The following ATXN1 variants were observed in gnomAD, a reference collection of about 807,000 sequenced individuals.
ATXN1 encodes the protein ataxin-1.
Under a neutral mutation model 56.4 loss-of-function variants are expected in ATXN1, and 8 were observed. That is an observed-to-expected ratio of 0.14 (90% confidence interval 0.08 to 0.26). The LOEUF (loss-of-function observed/expected upper bound fraction) is 0.26, where lower values mean the gene tolerates loss of function less well. Ranked by LOEUF, ATXN1 falls within the 10% of genes least tolerant of loss-of-function variation. ATXN1 has a pLI of 1.00. For synonymous variants in ATXN1, 514 were observed against 494.6 expected (o/e 1.04, Z -0.52); for missense variants, 987 against 1,106.5 (o/e 0.89, Z 1.53).
intron 7 of ATXN1, among the ~76,000 whole-genome samples, chr6:16,323,054 C>T (rs542699725): frequency 1.3e-5 from 2 of 152,314 alleles, no homozygotes. Context: ...TCTACCTGCT[C>T]GTCTGCACCC....
At chr6:16,623,415 T>C (rs561631652) in intron 3 of ATXN1, among the ~76,000 whole-genome samples, 1 of 152,356 alleles carries the variant, frequency 6.6e-6, no homozygotes, top group Admixed American at 6.5e-5. Context: ...CAAGTGTCAG[T>C]TCCATCTATC....
chr6:16,432,226 CAAT>C (rs1326637906), intron 6 of ATXN1, among the ~76,000 whole-genome samples: 1 of 152,156 alleles, frequency 6.6e-6, no homozygotes, highest in African/African-American at 2.4e-5. Flanking sequence ...TGGAAAATCA[CAAT>C]GTTACACTCG....
intron 4 of ATXN1, among the ~76,000 whole-genome samples, chr6:16,574,996 AT>A (rs60930957): frequency 0.14 from 21,867 of 151,344 alleles, 3,809 homozygotes; most frequent in African/African-American, 0.42. Flanking sequence ...TGAGTTTGCT[AT>A]TTTTTTCTTG....
Position 16,327,286 on chromosome 6 carries a change from A to G in ATXN1, c.1025T>C (p.Leu342Pro), listed in dbSNP as rs1760835526. 4 of 1,613,318 alleles carry G rather than the reference A, an allele frequency of 2.5e-6. No individual in the cohort carries two copies. Among genetic ancestry groups the G allele is most frequent in the South Asian group, 1.1e-5 (1 of 91,060 alleles). Residue 342 changes from leucine (L) to proline (P), a missense_variant, in exon 7 of 8, where the codon CTG becomes CCG. This residue lies in a region of ATXN1 where 723 missense variants were observed against 791.7 expected (regional missense o/e 0.91). Coordinates refer to ENST00000436367, the MANE Select transcript of ATXN1 (RefSeq NM_001128164.2). ...CTTGCCGCCTGCCTTGCCCAGGCCC[A>G]GGTCGGCTGAGGACGGGGCCCCGTA... is the stretch of plus-strand genomic sequence containing the variant. ...RRYGAPSSAD[L>P]GLGKAGGKSV... is the part of the protein sequence containing the mutation.
intron 6 of ATXN1, among the ~76,000 whole-genome samples, chr6:16,395,356 A>G (rs1363171830): frequency 6.6e-6 from 1 of 151,812 alleles, no homozygotes; most frequent in Non-Finnish European, 1.5e-5. Flanking sequence ...TATCTGTATG[A>G]CTGAGGTTAA....
At chr6:16,354,975 A>G (rs1278957146) in intron 6 of ATXN1, among the ~76,000 whole-genome samples, 1 of 152,234 alleles carries the variant, frequency 6.6e-6, no homozygotes, top group Admixed American at 6.5e-5. Flanking sequence ...GTCCTGTAAC[A>G]TATTTGACTT....
At chr6:16,655,639 G>A (rs1011965467) in intron 3 of ATXN1, among the ~76,000 whole-genome samples, 9 of 152,012 alleles carry the variant, frequency 5.9e-5, no homozygotes, top group African/African-American at 1.2e-4. Flanking sequence ...CACAAGCTAC[G>A]ATTGCACCAC....
intron 6 of ATXN1, among the ~76,000 whole-genome samples, chr6:16,462,904 G>A (rs947771943): frequency 6.6e-6 from 1 of 151,954 alleles, no homozygotes; most frequent in Non-Finnish European, 1.5e-5. Flanking sequence ...CCTCCTCCCT[G>A]CTTAACAAAC....
chr6:16,681,192 T>C (rs566919250), intron 2 of ATXN1, among the ~76,000 whole-genome samples: 5 of 152,340 alleles, frequency 3.3e-5, no homozygotes, highest in African/African-American at 1.2e-4. Flanking sequence ...TCTGTTCCTC[T>C]TGGAAGAAAA....
intron 4 of ATXN1, among the ~76,000 whole-genome samples, chr6:16,561,133 C>T (rs564573853): frequency 1.3e-5 from 2 of 152,012 alleles, no homozygotes; most frequent in South Asian, 4.1e-4. Context: ...GGAAAAATTT[C>T]TCTGAATCCC....
At chr6:16,718,720 G>C (rs1011483201) in intron 2 of ATXN1, among the ~76,000 whole-genome samples, 1 of 152,220 alleles carries the variant, frequency 6.6e-6, no homozygotes, top group Non-Finnish European at 1.5e-5. Flanking sequence ...TAGTGAGAAA[G>C]AACATTTCCC....
At position 16,553,447 on chromosome 6, in the gene ATXN1, G is replaced by A. The variant is rs887117255; in HGVS notation, c.-360-30759C>T. 1.6e-4 allele frequency among the ~76,000 whole-genome samples: 25 copies of A among 152,032 alleles called. 1 individual carries two copies. The highest frequency in any genetic ancestry group is 1.9e-4 in the East Asian group (1 of 5,186). The stretch of plus-strand genomic sequence containing the variant: ...TGCTTCCACCATACTTTGTATTTCC[G>A]TCTCACAGTACCTTTCTCAGTGCAC... On this transcript the variant is annotated intron_variant, in intron 4 of 7. Transcript: ENST00000436367.
chr6:16,542,923 A>G (rs1761743174), intron 4 of ATXN1, among the ~76,000 whole-genome samples: 1 of 151,796 alleles, frequency 6.6e-6, no homozygotes, highest in Non-Finnish European at 1.5e-5. Flanking sequence ...TCTCTCTCAA[A>G]ATATCTTATT....
At chr6:16,591,105 G>A (rs894743852) in intron 3 of ATXN1, among the ~76,000 whole-genome samples, 3 of 151,432 alleles carry the variant, frequency 2.0e-5, no homozygotes, top group African/African-American at 7.3e-5. Context: ...ACAGGCGTGA[G>A]CCACTGCGCC....
chr6:16,388,603 TG>T (rs1758287495), intron 6 of ATXN1, among the ~76,000 whole-genome samples: 1 of 152,270 alleles, frequency 6.6e-6, no homozygotes, highest in South Asian at 2.1e-4. Context: ...ACTTCACATG[TG>T]ATTTCTATCA....
At chr6:16,549,896 CAAAAAAAAAA>C (rs66603893) in intron 4 of ATXN1, among the ~76,000 whole-genome samples, 4 of 66,786 alleles carry the variant, frequency 6.0e-5, no homozygotes, top group Admixed American at 2.1e-4. Flanking sequence ...AACTCTGTCT[CAAAAAAAAAA>C]AAAAAAAAAA....
chr6:16,483,961 T>C (rs1240092234), intron 6 of ATXN1, among the ~76,000 whole-genome samples: 1 of 152,222 alleles, frequency 6.6e-6, no homozygotes, highest in African/African-American at 2.4e-5. Flanking sequence ...GGGAAAATGA[T>C]TTCTAGTAAA....
chr6:16,416,482 C>T (rs1344569892), intron 6 of ATXN1, among the ~76,000 whole-genome samples: 2 of 152,194 alleles, frequency 1.3e-5, no homozygotes, highest in African/African-American at 4.8e-5. Context: ...TAAGAAAGTA[C>T]AATACCTGCC....
chr6:16,720,804 T>G lies in ATXN1; in HGVS notation c.-615+32429A>C, dbSNP rs149127720. The stretch of plus-strand genomic sequence containing the variant: ...CCCTCTTTGAGCCTGTAGAAAAGAA[T>G]GATAAAACATGCTGTGTCTATATCC... On this transcript the variant is annotated intron_variant, in intron 2 of 7. Coordinates refer to ENST00000436367, the MANE Select transcript of ATXN1 (RefSeq NM_001128164.2). Among the ~76,000 whole-genome samples the G allele has an allele frequency of 5.9e-5, 9 of 152,296 alleles. No individual in the cohort carries two copies. The South Asian group carries it at 1.0e-3, about 18-fold the overall frequency.
Sources: allele counts gnomAD v4.1 joint callset (sites outside exome capture counted in the v4.1 genomes callset), GRCh38; gene constraint gnomAD v4.1.1; regional missense constraint gnomAD v4.1.1; transcripts MANE v1.5; gene names NCBI Gene and HGNC (gene_info 2026-07-23, HGNC 2026-07-21).